SCML4: variants seen among roughly 807,000 people sequenced by gnomAD.
SCML4 encodes the protein Scm polycomb group protein like 4, also known as sex comb on midleg-like protein 4.
A neutral mutation model predicts 41.1 loss-of-function variants in SCML4; 34 were observed. The observed-to-expected ratio is 0.83, with a 90% CI of 0.63 to 1.10. SCML4 has a LOEUF of 1.10. Among genes scored for constraint, SCML4 ranks in the 50% least tolerant of loss-of-function variants. The pLI is 0.00. For missense variants in SCML4, 522 were observed against 534.1 expected (o/e 0.98, Z 0.22); for synonymous variants, 214 against 220.9 (o/e 0.97, Z 0.28).
chr6:107,819,679 A>G (rs1784807682), intron 1 of SCML4, among the ~76,000 whole-genome samples: 1 of 152,090 alleles, frequency 6.6e-6, no homozygotes, highest in Non-Finnish European at 1.5e-5. Flanking sequence ...AAAAAAAAAA[A>G]AAAAAAGCAC....
intron 5 of SCML4, among the ~76,000 whole-genome samples, chr6:107,732,921 C>T (rs1314061437): frequency 1.3e-5 from 2 of 152,204 alleles, no homozygotes; most frequent in Non-Finnish European, 2.9e-5. Flanking sequence ...TCTAAATGGA[C>T]ATCTCGACTT....
chr6:107,755,638 AT>A, intron 2 of SCML4: 1 of 1,329,846 alleles, frequency 7.5e-7, no homozygotes. Flanking sequence ...CTGGCAGGGC[AT>A]TTGTCTTTGT....
chr6:107,839,352 A>AGAAAGAAAGAAG, the SCML4 span, among the ~76,000 whole-genome samples: 3 of 79,996 alleles, frequency 3.8e-5, no homozygotes, highest in African/African-American at 1.5e-4. Flanking sequence ...AAAGAAAGAA[A>AGAAAGAAAGAAG]GAAAGAAAGA....
At chr6:107,758,353 G>A (rs892989643) in intron 2 of SCML4, among the ~76,000 whole-genome samples, 3 of 152,328 alleles carry the variant, frequency 2.0e-5, no homozygotes, top group Middle Eastern at 6.8e-3. Context: ...CAGAGTGGTT[G>A]GAACTGTGGG....
intron 5 of SCML4, among the ~76,000 whole-genome samples, chr6:107,735,628 A>G (rs1776990842): frequency 2.0e-5 from 3 of 151,820 alleles, no homozygotes; most frequent in African/African-American, 2.4e-5. Context: ...GCAAAACTCC[A>G]TCTCTATTAA....
At chr6:107,833,386 C>T in the SCML4 span, among the ~76,000 whole-genome samples, 9,159 of 152,134 alleles carry the variant, frequency 0.06, 598 homozygotes, top group East Asian at 0.17. Flanking sequence ...CCGTTCTCTC[C>T]GCTTGAACCC....
intron 2 of SCML4, among the ~76,000 whole-genome samples, chr6:107,764,770 G>C (rs772532371): frequency 2.0e-5 from 3 of 152,168 alleles, no homozygotes; most frequent in Admixed American, 6.5e-5. Flanking sequence ...TTGTGGGAGG[G>C]ACCCGGTGGG....
upstream of SCML4, among the ~76,000 whole-genome samples, chr6:107,827,747 TG>T (rs754570017): frequency 6.6e-6 from 1 of 152,204 alleles, no homozygotes; most frequent in Non-Finnish European, 1.5e-5. Flanking sequence ...CGAGTGCTAC[TG>T]GGCTGGTGGT....
intron 5 of SCML4, among the ~76,000 whole-genome samples, chr6:107,723,013 T>C (rs9400137): frequency 0.065 from 9,905 of 151,844 alleles, 451 homozygotes; most frequent in Admixed American, 0.15. Flanking sequence ...ACCAACAAAA[T>C]TGCAAGCCTT....
intron 5 of SCML4, among the ~76,000 whole-genome samples, chr6:107,738,089 GCAA>G (rs1423541768): frequency 6.6e-6 from 1 of 151,874 alleles, no homozygotes; most frequent in East Asian, 2.0e-4. Context: ...ACACTCAAAG[GCAA>G]CAACAATTTT....
intron 2 of SCML4, among the ~76,000 whole-genome samples, chr6:107,770,146 A>C (rs7770059): frequency 1.3e-5 from 2 of 152,054 alleles, no homozygotes; most frequent in East Asian, 3.9e-4. Context: ...CAGGTCTAGG[A>C]AATTGTCAAA....
intron 7 of SCML4, among the ~76,000 whole-genome samples, 158 bp from the exon 8 acceptor site, chr6:107,705,483 T>C (rs1160608633): frequency 6.6e-6 from 1 of 152,196 alleles, no homozygotes; most frequent in Non-Finnish European, 1.5e-5. Context: ...TTTTAAAATA[T>C]TAAAGCAAAC....
chr6:107,740,119 G>A (rs1270632570), intron 5 of SCML4: 2 of 470,916 alleles, frequency 4.2e-6, no homozygotes, highest in Admixed American at 2.3e-5. Flanking sequence ...GCTTTCAGAT[G>A]GGGACATCAG....
At chr6:107,736,763 A>AGT (rs1406629230) in intron 5 of SCML4, among the ~76,000 whole-genome samples, 1 of 152,118 alleles carries the variant, frequency 6.6e-6, no homozygotes, top group African/African-American at 2.4e-5. Context: ...CTCAATGCTG[A>AGT]GTGTATAGGT....
intron 5 of SCML4, among the ~76,000 whole-genome samples, chr6:107,741,253 A>C (rs529054198): frequency 6.6e-6 from 1 of 152,102 alleles, no homozygotes; most frequent in African/African-American, 2.4e-5. Flanking sequence ...GAAATGAAAA[A>C]ACTCTGAGCA....
At chr6:107,765,490 G>A (rs1200803913) in intron 2 of SCML4, among the ~76,000 whole-genome samples, 1 of 152,158 alleles carries the variant, frequency 6.6e-6, no homozygotes, top group African/African-American at 2.4e-5. Context: ...GGGCAACAGA[G>A]TGAGACTCTG....
intron 2 of SCML4, among the ~76,000 whole-genome samples, chr6:107,752,073 C>T (rs1778743562): frequency 2.0e-5 from 3 of 152,100 alleles, no homozygotes; most frequent in South Asian, 4.1e-4. Context: ...GTAGACAGAT[C>T]CTGGACATGT....
chr6:107,770,215 A>T (rs931316618), intron 2 of SCML4, among the ~76,000 whole-genome samples: 1 of 152,236 alleles, frequency 6.6e-6, no homozygotes, highest in Non-Finnish European at 1.5e-5. Context: ...GAACATTTTT[A>T]AAAATTACTA....
At chr6:107,804,984 A>G (rs1237679822) in intron 1 of SCML4, among the ~76,000 whole-genome samples, 1 of 152,148 alleles carries the variant, frequency 6.6e-6, no homozygotes, top group African/African-American at 2.4e-5. Flanking sequence ...CTAAACAAAT[A>G]AAGTGGCAGC....
Sources: allele counts gnomAD v4.1 joint callset (sites outside exome capture counted in the v4.1 genomes callset), GRCh38; gene constraint gnomAD v4.1.1; transcripts MANE v1.5; gene names NCBI Gene and HGNC (gene_info 2026-07-23, HGNC 2026-07-21).